The following ITGA9 variants were observed in gnomAD, a reference collection of about 807,000 sequenced individuals.
ITGA9 encodes integrin subunit alpha 9, also known as integrin alpha-9.
Under a neutral mutation model 127.8 loss-of-function variants are expected in ITGA9, and 56 were observed. That is an observed-to-expected ratio of 0.44 (90% confidence interval 0.35 to 0.55). ITGA9 has a LOEUF of 0.55. Ranked by LOEUF, ITGA9 falls within the 20% of genes least tolerant of loss-of-function variation. The probability of loss-of-function intolerance (pLI) is 0.00; values close to 1 mark genes in which losing one functional copy is unlikely to be tolerated. For synonymous variants in ITGA9, 508 were observed against 514.5 expected (o/e 0.99, Z 0.17); for missense variants, 1,196 against 1,347.1 (o/e 0.89, Z 1.76).
chr3:37,773,684 G>A (rs1696871443), intron 23 of ITGA9, among the ~76,000 whole-genome samples: 1 of 151,966 alleles, frequency 6.6e-6, no homozygotes, highest in South Asian at 2.1e-4. Flanking sequence ...AGGGACTGGT[G>A]GGAACTTTCT....
Position 37,822,777 on chromosome 3 carries a change from T to C in ITGA9, c.*3788T>C, listed in dbSNP as rs561301657. 1.8e-4 allele frequency: 27 copies of C among 152,284 alleles called. No individual in the cohort carries two copies. The South Asian group carries it at 5.2e-3, about 29-fold the overall frequency. The allele number at this position is 152,284 out of a possible 1,614,324, so 9.4% of individuals were successfully genotyped here. A position where few individuals can be genotyped will look rare whatever the true frequency, so the allele number is the denominator to read the frequency against. On this transcript the variant is annotated 3_prime_UTR_variant, in exon 28 of 28. Coordinates refer to ENST00000264741, the MANE Select transcript of ITGA9 (RefSeq NM_002207.3). The stretch of plus-strand genomic sequence containing the variant: ...CCTAGCATGGTGGCTTTTTAAAAGG[T>C]TATTTATGACTTTTATTTTTGGGTA...
At chr3:37,773,133 G>A (rs777860519) in intron 23 of ITGA9, among the ~76,000 whole-genome samples, 1 of 152,192 alleles carries the variant, frequency 6.6e-6, no homozygotes, top group South Asian at 2.1e-4. Context: ...GGCTGGGCTG[G>A]AGCTCTGCTC....
chr3:37,558,482 C>G (rs1422617297), intron 15 of ITGA9, among the ~76,000 whole-genome samples: 2 of 152,184 alleles, frequency 1.3e-5, no homozygotes, highest in Non-Finnish European at 2.9e-5. Context: ...ATTTTCAATT[C>G]ACTTCTGTTT....
intron 1 of ITGA9, among the ~76,000 whole-genome samples, chr3:37,461,699 T>G (rs1698318064): frequency 6.6e-6 from 1 of 152,256 alleles, no homozygotes; most frequent in Non-Finnish European, 1.5e-5. Context: ...CTAACATTTT[T>G]GTTATGCTCT....
chr3:37,521,276 G>C (rs897210904), intron 11 of ITGA9, among the ~76,000 whole-genome samples: 12 of 152,238 alleles, frequency 7.9e-5, no homozygotes, highest in Admixed American at 7.8e-4. Context: ...GGGTGAACTA[G>C]AGGAAGGAAT....
At chr3:37,627,383 G>T (rs930582133) in intron 15 of ITGA9, among the ~76,000 whole-genome samples, 1 of 151,962 alleles carries the variant, frequency 6.6e-6, no homozygotes, top group Non-Finnish European at 1.5e-5. Context: ...TCTCCTCTCT[G>T]GGGCTGCTGC....
At chr3:37,480,438 A>G (rs1216668183) in intron 3 of ITGA9, among the ~76,000 whole-genome samples, 1 of 152,100 alleles carries the variant, frequency 6.6e-6, no homozygotes, top group African/African-American at 2.4e-5. Flanking sequence ...CTTGGCCATG[A>G]ACCTTCCTTC....
chr3:37,512,595 C>G (rs952964358), intron 8 of ITGA9, among the ~76,000 whole-genome samples: 5 of 152,236 alleles, frequency 3.3e-5, no homozygotes, highest in African/African-American at 1.2e-4. Context: ...TTTTGTTTGG[C>G]TTGCACAGTA....
chr3:37,632,355 G>A (rs987487939), intron 16 of ITGA9, among the ~76,000 whole-genome samples: 2 of 152,116 alleles, frequency 1.3e-5, no homozygotes, highest in Non-Finnish European at 2.9e-5. Context: ...TATATTTGCA[G>A]CACCAAAAAC....
intron 8 of ITGA9, among the ~76,000 whole-genome samples, chr3:37,512,120 CTTTCTTTTCTTTTCTTTTCTTTTCT>C (rs1176263183): frequency 2.0e-4 from 8 of 39,464 alleles, no homozygotes; most frequent in Non-Finnish European, 2.8e-4. Context: ...TTCCTTCCTT[CTTTCTTTTCTTTTCTTTTCTTTTCT>C]TTTCTTTTCT....
At chr3:37,615,039 G>A (rs941949555) in intron 15 of ITGA9, among the ~76,000 whole-genome samples, 32 of 152,304 alleles carry the variant, frequency 2.1e-4, no homozygotes, top group African/African-American at 7.5e-4. Flanking sequence ...TCCCTGTGTT[G>A]TGCCAGTTTT....
At chr3:37,545,446 G>A (rs964467777) in intron 15 of ITGA9, among the ~76,000 whole-genome samples, 5 of 151,866 alleles carry the variant, frequency 3.3e-5, no homozygotes, top group African/African-American at 1.2e-4. Context: ...ATGGAAGACC[G>A]CACAGGCTAA....
At chr3:37,484,122 T>C (rs1326787753) in intron 4 of ITGA9, among the ~76,000 whole-genome samples, 6 of 152,206 alleles carry the variant, frequency 3.9e-5, no homozygotes, top group Non-Finnish European at 8.8e-5. Context: ...CTGCCCAATC[T>C]TCCTTCCCAT....
At chr3:37,605,506 T>G (rs1448961702) in intron 15 of ITGA9, among the ~76,000 whole-genome samples, 1 of 152,224 alleles carries the variant, frequency 6.6e-6, no homozygotes, top group Non-Finnish European at 1.5e-5. Flanking sequence ...TAATTCTGCC[T>G]CTGCTACTTC....
intron 24 of ITGA9, among the ~76,000 whole-genome samples, chr3:37,779,303 C>A (rs914853359): frequency 7.9e-5 from 12 of 152,094 alleles, no homozygotes; most frequent in Non-Finnish European, 1.6e-4. Flanking sequence ...CAGGGTTTCA[C>A]CATGTTGGCC....
intron 4 of ITGA9, among the ~76,000 whole-genome samples, chr3:37,483,603 CA>C (rs1698579009): frequency 6.6e-6 from 1 of 152,158 alleles, no homozygotes; most frequent in Non-Finnish European, 1.5e-5. Flanking sequence ...CAGTGTGGAG[CA>C]CACATCTAGA....
At chr3:37,684,787 G>A (rs938604533) in intron 18 of ITGA9, among the ~76,000 whole-genome samples, 1 of 152,182 alleles carries the variant, frequency 6.6e-6, no homozygotes, top group Non-Finnish European at 1.5e-5. Context: ...ATATTTGAGT[G>A]AATTGAGGTA....
At position 37,547,720 on chromosome 3, in the gene ITGA9, A is replaced by G. The variant is rs530320890; in HGVS notation, c.1689+5135A>G. Among the ~76,000 whole-genome samples, 53 of 152,322 alleles carry G rather than the reference A, an allele frequency of 3.5e-4. 1 individual carries two copies. In the South Asian group the frequency reaches 0.011, roughly 30 times the overall value. On this transcript the variant is annotated intron_variant, in intron 15 of 27. Transcript: ENST00000264741. ...TGAGAAATCAAAGAAATAGCTAAGA[A>G]AAAAACAGTTGCAGGGTTTGGCAAA...
chr3:37,763,018 C>T (rs908788414), intron 23 of ITGA9, among the ~76,000 whole-genome samples: 2 of 152,214 alleles, frequency 1.3e-5, no homozygotes, highest in African/African-American at 4.8e-5. Context: ...CCACAAGAGG[C>T]TGTTGTGGGG....
Sources: gnomAD v4.1 joint callset for allele counts (sites outside exome capture counted in the v4.1 genomes callset) on GRCh38, gnomAD v4.1.1 for gene constraint, MANE v1.5 for transcripts, NCBI Gene and HGNC (gene_info 2026-07-23, HGNC 2026-07-21) for gene names.